The following ADD3 variants were observed in gnomAD, a reference collection of about 807,000 sequenced individuals.
The protein encoded by ADD3 is adducin 3, also known as gamma-adducin.
Under a neutral mutation model 80.2 loss-of-function variants are expected in ADD3, and 25 were observed. That is an observed-to-expected ratio of 0.31 (90% CI 0.23 to 0.44). The LOEUF (loss-of-function observed/expected upper bound fraction) is 0.44, where lower values mean the gene tolerates loss of function less well. Ranked by LOEUF, ADD3 falls within the 20% of genes least tolerant of loss-of-function variation. The probability of loss-of-function intolerance (pLI) is 1.00; values close to 1 mark genes in which losing one functional copy is unlikely to be tolerated. For missense variants in ADD3, 829 were observed against 847.5 expected (o/e 0.98, Z 0.27); for synonymous variants, 284 against 289.6 (o/e 0.98, Z 0.20).
At chr10:110,000,078 CG>C (rs1851456342) in intron 1 of ADD3, among the ~76,000 whole-genome samples, 1 of 152,110 alleles carries the variant, frequency 6.6e-6, no homozygotes, top group Non-Finnish European at 1.5e-5. Context: ...CACCATCATG[CG>C]CAGCTAATTT....
intron 1 of ADD3, among the ~76,000 whole-genome samples, chr10:110,049,874 G>C (rs561329193): frequency 2.0e-5 from 3 of 146,812 alleles, no homozygotes; most frequent in Non-Finnish European, 4.5e-5. Flanking sequence ...GCGACAGAGC[G>C]AGACTCCGTC....
At chr10:110,041,150 G>C (rs1856309554) in intron 1 of ADD3, among the ~76,000 whole-genome samples, 1 of 152,190 alleles carries the variant, frequency 6.6e-6, no homozygotes, top group South Asian at 2.1e-4. Flanking sequence ...TTGAACAGCA[G>C]ACCACAGCAG....
chr10:110,035,120 T>C (rs553589447), intron 1 of ADD3, among the ~76,000 whole-genome samples: 4 of 152,236 alleles, frequency 2.6e-5, no homozygotes, highest in Non-Finnish European at 5.9e-5. Context: ...GTAGTATTTA[T>C]AACCAGACCA....
At chr10:110,044,044 A>G (rs972274363) in intron 1 of ADD3, among the ~76,000 whole-genome samples, 5 of 152,098 alleles carry the variant, frequency 3.3e-5, no homozygotes, top group Non-Finnish European at 7.4e-5. Context: ...CTGTCTCTAA[A>G]ATACAAAAAT....
At chr10:110,035,620 G>C (rs986697957) in intron 1 of ADD3, among the ~76,000 whole-genome samples, 1 of 152,134 alleles carries the variant, frequency 6.6e-6, no homozygotes, top group African/African-American at 2.4e-5. Flanking sequence ...AATCCTTTTA[G>C]ACTAGTGGTA....
rs141186367 is a variant in ADD3 at position 110,130,466 on chromosome 10, G to A, written c.1712G>A (p.Arg571His). 9.7e-5 allele frequency: 157 copies of A among 1,613,776 alleles called. No homozygotes were observed. The highest frequency in any genetic ancestry group is 8.1e-4 in the African/African-American group (61 of 75,028). Residue 571 changes from arginine (R) to histidine (H), a missense_variant, in exon 13 of 15, where the codon CGT becomes CAT. Coordinates refer to ENST00000356080, the MANE Select transcript of ADD3 (RefSeq NM_016824.5). ...GAAGAGTATAAGAGGACAATCGAAC[G>A]TAAACAACAAGGCCTAGAAGGTTAG... ...ELEEYKRTIE[R>H]KQQGLEDAEQ... is the part of the protein sequence containing the mutation.
rs1006606074 is a variant in ADD3, at chr10:110,030,881, C to T, written c.-30+22582C>T. On this transcript the variant is annotated intron_variant, in intron 1 of 14. Transcript: ENST00000356080. ...AACCTCTACTCCTTCTCTAACTCTC[C>T]CATTGATGAAGTTTAAAAAACGAAA... Among the ~76,000 whole-genome samples, 2 of 151,670 alleles carry T rather than the reference C, an allele frequency of 1.3e-5. 1 individual carries two copies. Among genetic ancestry groups the T allele is most frequent in the Admixed American group, 1.3e-4 (2 of 15,238 alleles).
At chr10:110,005,673 T>C (rs1851594215), upstream of ADD3, 1 of 152,234 alleles carries the variant, frequency 6.6e-6, no homozygotes, top group African/African-American at 2.4e-5. Flanking sequence ...ACCCCAATGT[T>C]TGAAATTAGC....
intron 2 of ADD3, among the ~76,000 whole-genome samples, chr10:110,111,523 C>G (rs913604384): frequency 6.6e-6 from 1 of 152,122 alleles, no homozygotes; most frequent in African/African-American, 2.4e-5. Context: ...GGATTTTGAT[C>G]TCTATAAACA....
At chr10:110,112,977 A>G (rs1406472908) in intron 3 of ADD3, 62 bp downstream of exon 3, 1 of 1,541,312 alleles carries the variant, frequency 6.5e-7, no homozygotes, top group African/African-American at 1.4e-5. Flanking sequence ...ACCACTATAC[A>G]TCTCTAGCAG....
Position 110,132,301 on chromosome 10 carries a change from A to G in ADD3, c.1733-4A>G. 6.2e-7 allele frequency: 1 copy of G among 1,610,328 alleles called. No homozygotes were observed. Among genetic ancestry groups the G allele is most frequent in the Non-Finnish European group, 8.5e-7 (1 of 1,177,268 alleles). On this transcript the variant is annotated splice_polypyrimidine_tract_variant and splice_region_variant and intron_variant, in intron 13 of 14. Coordinates refer to ENST00000356080, the MANE Select transcript of ADD3 (RefSeq NM_016824.5). ...TGGCTTTTAACTAAACTCTTATCCA[A>G]CAGATGCTGAGCAGGAATTACTCTC... is the stretch of plus-strand genomic sequence containing the variant.
rs771063535 is a variant in ADD3, at chr10:110,133,559, A to G, written c.2062A>G (p.Lys688Glu). ...PSKSPSKKKK[K>E]FRTPSFLKKN... is the part of the protein sequence containing the mutation. The stretch of plus-strand genomic sequence containing the variant: ...AAAATCGCCATCCAAGAAAAAGAAG[A>G]AATTCCGCACTCCTTCTTTTCTGAA... Residue 688 changes from lysine to glutamate, a missense_variant, in exon 15 of 15, where the codon AAA (lysine) becomes GAA (glutamate). Transcript: ENST00000356080. 3 of 1,611,384 alleles carry G rather than the reference A, an allele frequency of 1.9e-6. No individual in the cohort carries two copies. The highest frequency in any genetic ancestry group is 4.5e-5 in the East Asian group (2 of 44,826).
chr10:110,109,151 T>G (rs1050462495), intron 2 of ADD3, among the ~76,000 whole-genome samples: 1 of 152,222 alleles, frequency 6.6e-6, no homozygotes, highest in Non-Finnish European at 1.5e-5. Context: ...AACCTTTCTT[T>G]AACTTTCTCA....
At chr10:110,039,974 A>C (rs1308186004) in intron 1 of ADD3, among the ~76,000 whole-genome samples, 1 of 152,178 alleles carries the variant, frequency 6.6e-6, no homozygotes, top group Non-Finnish European at 1.5e-5. Context: ...CCAAGATGGA[A>C]GCCAGTTTTT....
chr10:110,115,969 T>C (rs185476880), intron 3 of ADD3, among the ~76,000 whole-genome samples: 3 of 152,342 alleles, frequency 2.0e-5, no homozygotes, highest in African/African-American at 4.8e-5. Flanking sequence ...CTCGGAGATA[T>C]GTGTAACCAT....
At chr10:110,126,139 G>A (rs1332271867) in intron 11 of ADD3, among the ~76,000 whole-genome samples, 194 bp downstream of exon 11, 3 of 152,200 alleles carry the variant, frequency 2.0e-5, no homozygotes, top group African/African-American at 7.2e-5. Flanking sequence ...GCTACATGGG[G>A]AAGATGTATT....
intron 1 of ADD3, chr10:110,076,995 T>C (rs1411019518): frequency 6.6e-6 from 1 of 152,244 alleles, no homozygotes; most frequent in Non-Finnish European, 1.5e-5. Flanking sequence ...GCTCCACCCT[T>C]GCTCTAACCA....
rs1217733559 is a variant in ADD3 at position 110,065,539 on chromosome 10, CTT to C, written c.-29-35069_-29-35068del. 2.9e-4 allele frequency among the ~76,000 whole-genome samples: 9 copies of C among 31,170 alleles called. 2 individuals carry two copies. The highest frequency in any genetic ancestry group is 6.7e-4 in the Non-Finnish European group (9 of 13,360). The allele number at this position is 31,170 out of a possible 152,430, so 20.4% of individuals were successfully genotyped here. A position where few individuals can be genotyped will look rare whatever the true frequency, so the allele number is the denominator to read the frequency against. On this transcript the variant is annotated intron_variant, in intron 1 of 14. Transcript: ENST00000356080. ...TTTTTTCTTAGCCTCTCTCTCTCCCCTTTTTTTTTTTTTTTTTTGAGAAAGAA... is the reference window on the plus strand; with the variant it reads ...TTTTTTCTTAGCCTCTCTCTCTCCCCTTTTTTTTTTTTTTTTGAGAAAGAA...
At chr10:110,106,090 G>A (rs973016612) in intron 2 of ADD3, 1 of 151,548 alleles carries the variant, frequency 6.6e-6, no homozygotes, top group Non-Finnish European at 1.5e-5. Flanking sequence ...CTTTAGGAGA[G>A]CTCTAATAAC....
Sources: allele counts gnomAD v4.1 joint callset (sites outside exome capture counted in the v4.1 genomes callset), GRCh38; gene constraint gnomAD v4.1.1; transcripts MANE v1.5; gene names NCBI Gene and HGNC (gene_info 2026-07-23, HGNC 2026-07-21).